Variants in RPS6KA6 observed in about 807,000 individuals in gnomAD.
The protein encoded by RPS6KA6 is ribosomal protein S6 kinase A6.
A neutral mutation model predicts 65.4 loss-of-function variants in RPS6KA6; 27 were observed. That is an observed-to-expected ratio of 0.41 (90% CI 0.30 to 0.57). The LOEUF is 0.57. RPS6KA6 is among the 20% of genes least tolerant of loss of function. The pLI is 0.24. For missense variants in RPS6KA6, 486 were observed against 555.6 expected, an observed-to-expected ratio of 0.87 and a Z score of 1.26; for synonymous variants, 190 against 184.2, an observed-to-expected ratio of 1.03 and a Z score of -0.26.
At chrX:84,071,387 G>A (rs1477972444) in intron 20 of RPS6KA6, among the ~76,000 whole-genome samples, 2 of 111,294 alleles carry the variant, frequency 1.8e-5, no homozygotes, top group African/African-American at 6.5e-5. Context: ...AATTGATGAA[G>A]TATATTACAG....
chrX:84,102,151 T>C lies in RPS6KA6; in HGVS notation c.1662A>G (p.Glu554=), dbSNP rs1387167757. ...TCCTGATTGAATCTGCACTGGCTGA[T>C]TCATCCATGTATAAAATATTACTAG... ...LKPSNILYMD[E]SASADSIRIC... is the part of the protein sequence containing the mutation. The change falls in exon 18 of 22, where the codon GAA becomes GAG. Residue 554 remains glutamate (E), a synonymous_variant. Transcript: ENST00000262752. 8.5e-7 allele frequency: 1 copy of C among 1,177,209 alleles called. No individual in the cohort carries two copies. The highest frequency in any genetic ancestry group is 1.8e-5 in the African/African-American group (1 of 55,929).
chrX:84,183,808 A>C (rs770955266), intron 1 of RPS6KA6, among the ~76,000 whole-genome samples: 33 of 105,864 alleles, frequency 3.1e-4, no homozygotes, highest in African/African-American at 4.5e-4. Context: ...CTAAACCACC[A>C]CCACCCCCAC....
At chrX:84,099,535 T>C (rs962154031) in intron 18 of RPS6KA6, among the ~76,000 whole-genome samples, 9 of 110,861 alleles carry the variant, frequency 8.1e-5, no homozygotes, top group African/African-American at 2.6e-4. Flanking sequence ...TCAATTAACG[T>C]TTGGGGCAAA....
At chrX:84,158,751 A>G (rs2147591932) in intron 2 of RPS6KA6, among the ~76,000 whole-genome samples, 1 of 111,388 alleles carries the variant, frequency 9.0e-6, no homozygotes, top group Non-Finnish European at 1.9e-5. Context: ...CAACTACCAC[A>G]TATTATATCA....
chrX:84,081,876 C>G (rs1318575843), intron 20 of RPS6KA6, among the ~76,000 whole-genome samples: 1 of 111,128 alleles, frequency 9.0e-6, no homozygotes, highest in African/African-American at 3.3e-5. Context: ...CCAGAAAAGG[C>G]CTTCAACAAA....
At chrX:84,096,390 T>C (rs1198056671) in intron 19 of RPS6KA6, 79 bp from the exon 20 acceptor site, 4 of 407,784 alleles carry the variant, frequency 9.8e-6, no homozygotes, top group South Asian at 8.1e-5. Context: ...ATTTACTACA[T>C]GCAAATATTT....
chrX:84,065,061 A>G lies in RPS6KA6; in HGVS notation c.2022T>C (p.Ala674=), dbSNP rs1198309762. Residue 674 remains alanine (A), a synonymous_variant, in exon 21 of 22, where the codon GCT becomes GCC. Transcript: ENST00000262752. ...LHMDPHQRYT[A]EQILKHSWIT... ...TCCATGAGTGCTTTAATATTTGTTC[A>G]GCAGTATACCGCTGATGTGGGTCCA... 1 of 1,205,168 alleles carries G rather than the reference A, an allele frequency of 8.3e-7. No homozygotes were observed. The highest frequency in any genetic ancestry group is 1.8e-5 in the South Asian group (1 of 56,389).
intron 6 of RPS6KA6, among the ~76,000 whole-genome samples, chrX:84,137,062 G>GC (rs773471963): frequency 5.4e-5 from 6 of 111,189 alleles, no homozygotes; most frequent in African/African-American, 9.8e-5. Context: ...CTCATAAATT[G>GC]CCCCCCCTAC....
At chrX:84,178,300 A>G (rs775820380) in intron 1 of RPS6KA6, among the ~76,000 whole-genome samples, 1 of 111,460 alleles carries the variant, frequency 9.0e-6, no homozygotes, top group African/African-American at 3.3e-5. Flanking sequence ...GGTAATGTAC[A>G]AATATGGGGG....
chrX:84,151,582 T>C (rs939469285), intron 3 of RPS6KA6, among the ~76,000 whole-genome samples: 3 of 110,931 alleles, frequency 2.7e-5, no homozygotes, highest in African/African-American at 9.8e-5. Context: ...TGGTGATCCA[T>C]AAAAACAGTG....
At chrX:84,161,065 TA>T (rs1365184470) in intron 2 of RPS6KA6, among the ~76,000 whole-genome samples, 3 of 111,182 alleles carry the variant, frequency 2.7e-5, no homozygotes, top group Non-Finnish European at 5.7e-5. Context: ...ATCTCAGTTA[TA>T]AGGATCAACT....
At chrX:84,096,146 T>A in intron 20 of RPS6KA6, 48 bp downstream of exon 20, 1 of 797,238 alleles carries the variant, frequency 1.3e-6, no homozygotes, top group Non-Finnish European at 1.9e-6. Context: ...CTTAGGGATT[T>A]GAGCAATTTA....
chrX:84,073,985 C>T (rs2033605817), intron 20 of RPS6KA6, among the ~76,000 whole-genome samples: 3 of 111,416 alleles, frequency 2.7e-5, no homozygotes, highest in East Asian at 5.7e-4. Flanking sequence ...AAATTAAAAA[C>T]AGTACTAACA....
chrX:84,077,653 C>G (rs2033690098), intron 20 of RPS6KA6, among the ~76,000 whole-genome samples: 1 of 111,588 alleles, frequency 9.0e-6, no homozygotes, highest in Non-Finnish European at 1.9e-5. Flanking sequence ...GATACAACTT[C>G]TAAAAGAAAA....
At chrX:84,088,964 CT>C (rs926708146) in intron 20 of RPS6KA6, among the ~76,000 whole-genome samples, 2 of 112,044 alleles carry the variant, frequency 1.8e-5, no homozygotes, top group African/African-American at 6.5e-5. Flanking sequence ...ACTGCCTGGA[CT>C]TCCCAGAGCA....
At chrX:84,102,343 A>T (rs1669655673) in intron 17 of RPS6KA6, 145 bp from the exon 18 acceptor site, 1 of 306,891 alleles carries the variant, frequency 3.3e-6, no homozygotes, top group African/African-American at 2.8e-5. Context: ...ATTTTGCTCA[A>T]GCTTAATAGC....
intron 6 of RPS6KA6, among the ~76,000 whole-genome samples, chrX:84,138,285 T>C (rs191287760): frequency 9.0e-6 from 1 of 111,276 alleles, no homozygotes; most frequent in Admixed American, 9.6e-5. Context: ...TTATGCACAT[T>C]ACCAAGTTTT....
chrX:84,155,990 C>T, intron 3 of RPS6KA6, 85 bp downstream of exon 3: 1 of 516,882 alleles, frequency 1.9e-6, no homozygotes, highest in Non-Finnish European at 3.5e-6. Context: ...AGAAACGACT[C>T]ATTAATCAGA....
In RPS6KA6 at chrX:84,108,566, C is replaced by T. The variant is rs947635461; in HGVS notation, c.1009-841G>A. Among the ~76,000 whole-genome samples, 14 of 111,593 alleles carry T rather than the reference C, an allele frequency of 1.3e-4. No homozygotes were observed. The Admixed American group carries it at 1.3e-3, about 11-fold the overall frequency. ...GTGTGGAGCCAGGAGATCTTCGATG[C>T]AGGGAAGGGAAGATTGAGTGAGAGA... On this transcript the variant is annotated intron_variant, in intron 12 of 21. Coordinates refer to ENST00000262752, the MANE Select transcript of RPS6KA6 (RefSeq NM_014496.5).
Sources: allele counts gnomAD v4.1 joint callset (sites outside exome capture counted in the v4.1 genomes callset), GRCh38; gene constraint gnomAD v4.1.1; transcripts MANE v1.5; gene names NCBI Gene and HGNC (gene_info 2026-07-23, HGNC 2026-07-21).